ATG7: variants seen among roughly 807,000 people sequenced by gnomAD.
The protein encoded by ATG7 is autophagy related 7.
A neutral mutation model predicts 82.4 loss-of-function variants in ATG7; 70 were observed. That is an observed-to-expected ratio of 0.85 (90% CI 0.70 to 1.04). The LOEUF is 1.04. ATG7 is among the 50% of genes least tolerant of loss of function. The pLI, the probability that ATG7 is intolerant of heterozygous loss-of-function variation, is 0.00. For synonymous variants in ATG7, 287 were observed against 313.0 expected (o/e 0.92, Z 0.88); for missense variants, 792 against 864.3 (o/e 0.92, Z 1.05).
At chr3:11,469,113 C>T (rs1286054194) in intron 20 of ATG7, among the ~76,000 whole-genome samples, 2 of 152,232 alleles carry the variant, frequency 1.3e-5, no homozygotes, top group African/African-American at 4.8e-5. Context: ...AAGAGGGTAG[C>T]AGGCAATTCT....
intron 19 of ATG7, among the ~76,000 whole-genome samples, chr3:11,409,420 C>T (rs755974969): frequency 6.6e-6 from 1 of 152,208 alleles, no homozygotes; most frequent in African/African-American, 2.4e-5. Flanking sequence ...TGTTGCCAGA[C>T]GATCTTGCCC....
At chr3:11,573,295 GAAAGAAAGA>G in the ATG7 span, among the ~76,000 whole-genome samples, 209 of 12,498 alleles carry the variant, frequency 0.017, 22 homozygotes, top group African/African-American at 0.023. Context: ...AAGAAAGAAA[GAAAGAAAGA>G]AAGGAAGGAA....
downstream of ATG7, among the ~76,000 whole-genome samples, chr3:11,560,784 G>A (rs1038718593): frequency 2.0e-5 from 3 of 152,174 alleles, no homozygotes; most frequent in African/African-American, 7.2e-5. Context: ...CCCAGGGTTC[G>A]TACGGCCTCC....
chr3:11,279,406 C>T (rs1429155241), intron 1 of ATG7, among the ~76,000 whole-genome samples: 1 of 152,196 alleles, frequency 6.6e-6, no homozygotes, highest in African/African-American at 2.4e-5. Context: ...CTTGGCTTGG[C>T]TGGGTGTGGT....
At chr3:11,311,334 T>A (rs1948629684) in intron 7 of ATG7, among the ~76,000 whole-genome samples, 1 of 152,150 alleles carries the variant, frequency 6.6e-6, no homozygotes, top group East Asian at 1.9e-4. Flanking sequence ...CCGGGTGCAG[T>A]GGTTCATGCC....
rs10706428 is a variant in ATG7, at chr3:11,531,867, GAAAAA to G, written c.2080-22927_2080-22923del. On this transcript the variant is annotated intron_variant, in intron 20 of 20. Transcript: ENST00000693202. ...TGACAAGAGTGAGACCCTGTCTCAG[GAAAAA>G]AAAAAAAAAAAAAAAAGTCTAATAA... Among the ~76,000 whole-genome samples the G allele has an allele frequency of 3.2e-5, 3 of 95,130 alleles. 1 individual carries two copies. The highest frequency in any genetic ancestry group is 7.5e-4 in the South Asian group (2 of 2,670). The allele number at this position is 95,130 out of a possible 152,430, so 62.4% of individuals were successfully genotyped here. A position where few individuals can be genotyped will look rare whatever the true frequency, so the allele number is the denominator to read the frequency against.
intron 3 of ATG7, among the ~76,000 whole-genome samples, chr3:11,297,762 G>C (rs1352483896): frequency 1.3e-5 from 2 of 152,166 alleles, no homozygotes; most frequent in East Asian, 1.9e-4. Flanking sequence ...AGGTGTTAAA[G>C]CACTGCTCTC....
chr3:11,472,838 TG>T (rs11348922), intron 20 of ATG7, among the ~76,000 whole-genome samples: 13,415 of 152,232 alleles, frequency 0.088, 1,050 homozygotes, highest in African/African-American at 0.21. Flanking sequence ...CCAAATGCGC[TG>T]ATTTGCACAC....
At position 11,554,805 on chromosome 3, in the gene ATG7, A is replaced by G; in HGVS notation, c.2080-6A>G. The G allele has an allele frequency of 6.2e-7, 1 of 1,613,306 alleles. No individual in the cohort carries two copies. The highest frequency in any genetic ancestry group is 2.2e-5 in the East Asian group (1 of 44,832). ...CTCGGCTGAGCCTCTCCCCTTCTCCATGCAGATCTGGGACATGAGCGATGA... is the reference window on the plus strand; with the variant it reads ...CTCGGCTGAGCCTCTCCCCTTCTCCGTGCAGATCTGGGACATGAGCGATGA... On this transcript the variant is annotated splice_polypyrimidine_tract_variant and splice_region_variant and intron_variant, in intron 20 of 20. Transcript: ENST00000693202.
At chr3:11,335,681 G>A (rs1335179569) in intron 11 of ATG7, among the ~76,000 whole-genome samples, 1 of 152,124 alleles carries the variant, frequency 6.6e-6, no homozygotes, top group Non-Finnish European at 1.5e-5. Flanking sequence ...TAAGGCTCAT[G>A]CTTGATGATG....
At position 11,333,052 on chromosome 3, in the gene ATG7, T is replaced by A; in HGVS notation, c.848T>A (p.Ile283Asn). The A allele has an allele frequency of 6.4e-7, 1 of 1,568,638 alleles. No homozygotes were observed. The part of the protein sequence containing the change: ...MQGARDVAHS[I>N]IFEVKLPEMA... ...GGGGCGAGAGACGTTGCCCACAGCA[T>A]CATCTTCGAAGTGAAGCTTCCAGAA... Residue 283 changes from isoleucine (I) to asparagine (N), a missense_variant, in exon 11 of 21, where the codon ATC (isoleucine) becomes AAC (asparagine). Ile to Asn is a moderately radical substitution (Grantham distance 149, BLOSUM62 -3). Coordinates refer to ENST00000693202, the MANE Select transcript of ATG7 (RefSeq NM_001349232.2).
chr3:11,564,955 G>A, the ATG7 span: 77 of 1,561,638 alleles, frequency 4.9e-5, no homozygotes, highest in Middle Eastern at 1.5e-3. Context: ...GCCACAGCGC[G>A]CTCGATGGGG....
At position 11,554,990 on chromosome 3, in the gene ATG7, G is replaced by A. The variant is rs2072266716; in HGVS notation, c.*147G>A. Reference sequence around the variant, plus strand: ...TGGGATTCCCCCCTCTGCTGCCCAGGAGTGGCCAGTGTTCGGCGTTGCTCG... The same window carrying A: ...TGGGATTCCCCCCTCTGCTGCCCAGAAGTGGCCAGTGTTCGGCGTTGCTCG... On this transcript the variant is annotated 3_prime_UTR_variant, in exon 21 of 21. Transcript: ENST00000693202. 8.8e-6 allele frequency: 9 copies of A among 1,018,828 alleles called. 1 individual carries two copies. The Middle Eastern group carries it at 9.6e-4, about 108-fold the overall frequency. 63.1% of individuals were successfully genotyped at this position (1,018,828 alleles called of 1,614,324 possible).
chr3:11,548,521 C>CT (rs2071481340), intron 20 of ATG7, among the ~76,000 whole-genome samples: 1 of 152,230 alleles, frequency 6.6e-6, no homozygotes, highest in African/African-American at 2.4e-5. Context: ...TCATCCCCAC[C>CT]TGCCCTCTAT....
chr3:11,549,349 T>C (rs926669193), intron 20 of ATG7, among the ~76,000 whole-genome samples: 1 of 152,208 alleles, frequency 6.6e-6, no homozygotes, highest in African/African-American at 2.4e-5. Flanking sequence ...TGAACTCCCA[T>C]AGCATGTGGT....
intron 19 of ATG7, among the ~76,000 whole-genome samples, chr3:11,401,720 C>G (rs1396385163): frequency 2.0e-5 from 3 of 152,206 alleles, no homozygotes; most frequent in African/African-American, 7.2e-5. Flanking sequence ...CTGGTTCTGC[C>G]TCCTACTAAA....
At chr3:11,563,821 T>C in the ATG7 span, among the ~76,000 whole-genome samples, 2 of 152,176 alleles carry the variant, frequency 1.3e-5, no homozygotes, top group Non-Finnish European at 2.9e-5. Flanking sequence ...TGAGGCAAGA[T>C]GGGCAACTGT....
At chr3:11,311,441 T>C (rs2152716918) in intron 7 of ATG7, among the ~76,000 whole-genome samples, 1 of 151,740 alleles carries the variant, frequency 6.6e-6, no homozygotes, top group Non-Finnish European at 1.5e-5. Flanking sequence ...CCGTATCTAC[T>C]AAAATTAAAA....
intron 20 of ATG7, among the ~76,000 whole-genome samples, chr3:11,534,078 C>A (rs983829443): frequency 6.6e-6 from 1 of 151,806 alleles, no homozygotes; most frequent in African/African-American, 2.4e-5. Context: ...GCCTCCTCCT[C>A]CCCCCCCAGG....
Sources: gnomAD v4.1 joint callset for allele counts (sites outside exome capture counted in the v4.1 genomes callset) on GRCh38, gnomAD v4.1.1 for gene constraint, MANE v1.5 for transcripts, NCBI Gene and HGNC (gene_info 2026-07-23, HGNC 2026-07-21) for gene names.